The following MECOM variants were observed in gnomAD, a reference collection of about 807,000 sequenced individuals.
MECOM encodes the protein histone-lysine N-methyltransferase MECOM.
In MECOM, 13 loss-of-function variants were observed where a neutral mutation model predicts 116.3. The ratio of observed to expected loss-of-function variants is 0.11; its 90% confidence interval spans 0.07 to 0.18. The LOEUF (loss-of-function observed/expected upper bound fraction) is 0.18. MECOM is among the 10% of genes least tolerant of loss of function. The pLI is 1.00. For synonymous variants in MECOM, 528 were observed against 535.2 expected, an observed-to-expected ratio of 0.99 and a Z score of 0.19; for missense variants, 1,299 against 1,509.0, an observed-to-expected ratio of 0.86 and a Z score of 2.31.
chr3:169,284,655 G>A (rs1302808283), intron 2 of MECOM, among the ~76,000 whole-genome samples: 3 of 151,786 alleles, frequency 2.0e-5, no homozygotes, highest in Non-Finnish European at 2.9e-5. Context: ...AGAATGTGCT[G>A]CTCACAAAAG....
At chr3:169,504,242 A>G (rs1754930198) in intron 1 of MECOM, among the ~76,000 whole-genome samples, 1 of 148,844 alleles carries the variant, frequency 6.7e-6, no homozygotes, top group Non-Finnish European at 1.5e-5. Context: ...CAGACTTGCC[A>G]TTTGGTGGGG....
intron 2 of MECOM, among the ~76,000 whole-genome samples, chr3:169,247,235 T>G (rs1339300422): frequency 6.6e-6 from 1 of 151,834 alleles, no homozygotes; most frequent in Non-Finnish European, 1.5e-5. Flanking sequence ...AATAAACCTA[T>G]GAAAAATATA....
chr3:169,359,434 G>A (rs1727826269), intron 2 of MECOM, among the ~76,000 whole-genome samples: 1 of 151,730 alleles, frequency 6.6e-6, no homozygotes. Context: ...GAACACTTGA[G>A]TGAAGCCCAC....
chr3:169,147,473 A>C, intron 2 of MECOM: 2 of 985,476 alleles, frequency 2.0e-6, no homozygotes, highest in Non-Finnish European at 1.2e-6. Context: ...GAGTGATCTG[A>C]TCGGAAGCCA....
chr3:169,104,418 G>T (rs1209897669), intron 10 of MECOM, among the ~76,000 whole-genome samples: 1 of 152,154 alleles, frequency 6.6e-6, no homozygotes, highest in Non-Finnish European at 1.5e-5. Flanking sequence ...CACCCAGCAA[G>T]AAATAAGTTT....
intron 1 of MECOM, among the ~76,000 whole-genome samples, chr3:169,406,654 CATT>C (rs1736741693): frequency 1.3e-5 from 2 of 152,104 alleles, no homozygotes; most frequent in South Asian, 4.1e-4. Flanking sequence ...CATTTTACAT[CATT>C]ATCTTATTTA....
intron 2 of MECOM, among the ~76,000 whole-genome samples, chr3:169,261,775 G>A (rs1034650397): frequency 1.3e-5 from 2 of 152,102 alleles, no homozygotes; most frequent in African/African-American, 2.4e-5. Flanking sequence ...AGAAGAAGAC[G>A]ACAAAAGAAG....
At chr3:169,620,493 C>T (rs1197291506) in intron 1 of MECOM, among the ~76,000 whole-genome samples, 1 of 152,166 alleles carries the variant, frequency 6.6e-6, no homozygotes, top group Non-Finnish European at 1.5e-5. Flanking sequence ...TCCAGTTTTT[C>T]TATTGCCCTT....
At chr3:169,353,502 C>T (rs1726740350) in intron 2 of MECOM, among the ~76,000 whole-genome samples, 1 of 151,686 alleles carries the variant, frequency 6.6e-6, no homozygotes, top group African/African-American at 2.4e-5. Context: ...TACAAGTTGC[C>T]ATATTTTTGC....
intron 2 of MECOM, among the ~76,000 whole-genome samples, chr3:169,233,604 A>G (rs1753679856): frequency 2.6e-5 from 4 of 152,138 alleles, no homozygotes; most frequent in Admixed American, 2.6e-4. Context: ...CCATACACAC[A>G]CAACTAATTG....
intron 1 of MECOM, among the ~76,000 whole-genome samples, chr3:169,438,183 C>T (rs1397125126): frequency 6.6e-6 from 1 of 152,202 alleles, no homozygotes; most frequent in East Asian, 1.9e-4. Context: ...CTAAACTATA[C>T]ACCTTCTCAC....
rs540811005 is a variant in MECOM, at chr3:169,100,100, T to C, written c.2849+785A>G. On this transcript the variant is annotated intron_variant, in intron 12 of 16. Coordinates refer to ENST00000651503, the MANE Select transcript of MECOM (RefSeq NM_004991.4). ...TTTTTTCTTTCTTTCTTTCTTTCTT[T>C]CTTTTTTTTTTTTTTTTTGACAGAG... Among the ~76,000 whole-genome samples, 25 of 81,362 alleles carry C rather than the reference T, an allele frequency of 3.1e-4. 2 individuals are homozygous for C. The South Asian group carries it at 0.013, about 43-fold the overall frequency. 53.4% of individuals were successfully genotyped at this position (81,362 alleles called of 152,430 possible). A position where few individuals can be genotyped will look rare whatever the true frequency, so the allele number is the denominator to read the frequency against.
chr3:169,458,019 A>G (rs1231403468), intron 1 of MECOM, among the ~76,000 whole-genome samples: 1 of 152,246 alleles, frequency 6.6e-6, no homozygotes, highest in African/African-American at 2.4e-5. Context: ...CTTAAAGCAA[A>G]TGATTTACAA....
chr3:169,649,257 C>T (rs966764260), intron 1 of MECOM, among the ~76,000 whole-genome samples: 3 of 151,660 alleles, frequency 2.0e-5, no homozygotes, highest in East Asian at 1.9e-4. Context: ...CGCACAAGTT[C>T]GAGACCAGCC....
At chr3:169,245,485 A>C (rs150749969) in intron 2 of MECOM, among the ~76,000 whole-genome samples, 52 of 152,336 alleles carry the variant, frequency 3.4e-4, no homozygotes, top group African/African-American at 1.3e-3. Context: ...TGTGCTAGCA[A>C]AGTACTTTAC....
At chr3:169,618,177 C>T (rs1770258392) in intron 1 of MECOM, among the ~76,000 whole-genome samples, 1 of 152,314 alleles carries the variant, frequency 6.6e-6, no homozygotes, top group African/African-American at 2.4e-5. Context: ...GAAACAAAGA[C>T]ATTTCCACAT....
intron 1 of MECOM, among the ~76,000 whole-genome samples, chr3:169,441,345 C>G (rs1004387498): frequency 2.0e-5 from 3 of 152,160 alleles, no homozygotes; most frequent in Non-Finnish European, 4.4e-5. Flanking sequence ...CCAAACAATA[C>G]TTTGAGTGTA....
intron 3 of MECOM, among the ~76,000 whole-genome samples, chr3:169,132,389 G>A (rs1019547696): frequency 6.6e-6 from 1 of 151,630 alleles, no homozygotes; most frequent in Admixed American, 6.6e-5. Context: ...TACCTGTCCA[G>A]GGACCAGGTT....
At chr3:169,328,303 T>G (rs1722182663) in intron 2 of MECOM, among the ~76,000 whole-genome samples, 3 of 152,222 alleles carry the variant, frequency 2.0e-5, no homozygotes. Flanking sequence ...CTGCATTTAT[T>G]TGGATATTGA....
Sources: gnomAD v4.1 joint callset for allele counts (sites outside exome capture counted in the v4.1 genomes callset) on GRCh38, gnomAD v4.1.1 for gene constraint, MANE v1.5 for transcripts, NCBI Gene and HGNC (gene_info 2026-07-23, HGNC 2026-07-21) for gene names.